Variants in SETD2 observed in about 807,000 individuals in gnomAD.
The protein encoded by SETD2 is histone-lysine N-methyltransferase SETD2.
In SETD2, 31 loss-of-function variants were observed where a neutral mutation model predicts 242.1. The observed-to-expected ratio is 0.13, with a 90% confidence interval of 0.10 to 0.17. The LOEUF (loss-of-function observed/expected upper bound fraction) is 0.17. Ranked by LOEUF, SETD2 falls within the 10% of genes least tolerant of loss-of-function variation. The pLI is 1.00. For synonymous variants in SETD2, 1,006 were observed against 1,066.5 expected (o/e 0.94, Z 1.11); for missense variants, 2,481 against 3,046.3 (o/e 0.81, Z 4.37).
intron 6 of SETD2, 49 bp downstream of exon 6, chr3:47,105,948 T>C (rs765101696): frequency 5.8e-6 from 9 of 1,554,114 alleles, no homozygotes; most frequent in Non-Finnish European, 7.0e-6. Context: ...CAATGGCTCC[T>C]TCAAACCTAA....
intron 1 of SETD2, among the ~76,000 whole-genome samples, chr3:47,131,055 T>C (rs1466916071): frequency 6.6e-6 from 1 of 152,136 alleles, no homozygotes; most frequent in Non-Finnish European, 1.5e-5. Context: ...GCCCTATAAA[T>C]GAGAGCAATT....
chr3:47,066,015 T>G (rs866769823), intron 13 of SETD2, among the ~76,000 whole-genome samples: 2 of 152,108 alleles, frequency 1.3e-5, no homozygotes, highest in African/African-American at 2.4e-5. Flanking sequence ...TGGATGAAAG[T>G]CCACTTATAT....
At chr3:47,106,168 G>C in intron 5 of SETD2, 48 bp from the exon 6 acceptor site, 1 of 1,568,656 alleles carries the variant, frequency 6.4e-7, no homozygotes, top group East Asian at 2.3e-5. Context: ...AGGAGCAGTA[G>C]GGAAAACATA....
intron 18 of SETD2, among the ~76,000 whole-genome samples, chr3:47,035,022 G>T (rs1397449317): frequency 6.6e-6 from 1 of 152,184 alleles, no homozygotes; most frequent in Non-Finnish European, 1.5e-5. Flanking sequence ...TGCACCTATG[G>T]TAACAGAGGA....
intron 1 of SETD2, among the ~76,000 whole-genome samples, chr3:47,153,778 C>T (rs1259267782): frequency 6.6e-6 from 1 of 151,584 alleles, no homozygotes; most frequent in Non-Finnish European, 1.5e-5. Flanking sequence ...AAAAGAGATC[C>T]CACTTAAATG....
intron 18 of SETD2, among the ~76,000 whole-genome samples, chr3:47,033,772 T>C (rs904477616): frequency 3.3e-5 from 5 of 150,418 alleles, no homozygotes; most frequent in Admixed American, 6.7e-5. Context: ...AGCGATTCTC[T>C]TGCCTCAGCC....
Position 47,164,046 on chromosome 3 carries a change from G to A in SETD2, c.-122C>T, listed in dbSNP as rs1697595544. 1.6e-6 allele frequency: 2 copies of A among 1,214,236 alleles called. No homozygotes were observed. Among genetic ancestry groups the A allele is most frequent in the Non-Finnish European group, 2.1e-6 (2 of 973,314 alleles). The allele number at this position is 1,214,236 out of a possible 1,614,324, so 75.2% of individuals were successfully genotyped here. A position where few individuals can be genotyped will look rare whatever the true frequency, so the allele number is the denominator to read the frequency against. ...GGCGGCGGCGGCGGCGGCGGCGGCA[G>A]GGGCGGCCCGCGTCGCTACCTCGCT... On this transcript the variant is annotated 5_prime_UTR_variant, in exon 1 of 21. Coordinates refer to ENST00000409792, the MANE Select transcript of SETD2 (RefSeq NM_014159.7). This position sits in a 1 kb window ranked among gnomAD's most constrained non-coding sequence, Gnocchi z 5.4.
intron 17 of SETD2, among the ~76,000 whole-genome samples, chr3:47,042,122 GC>G (rs2039307158): frequency 6.6e-6 from 1 of 152,162 alleles, no homozygotes; most frequent in Non-Finnish European, 1.5e-5. Context: ...GGAGGCCAAG[GC>G]GGGCAGGGCA....
At chr3:47,157,114 T>C (rs1371766916) in intron 1 of SETD2, among the ~76,000 whole-genome samples, 1 of 151,808 alleles carries the variant, frequency 6.6e-6, no homozygotes. Context: ...ACAAACAAAA[T>C]TAGTTGGGCA....
At chr3:47,106,892 T>C (rs887414248) in intron 5 of SETD2, among the ~76,000 whole-genome samples, 4 of 151,810 alleles carry the variant, frequency 2.6e-5, no homozygotes, top group Admixed American at 2.0e-4. Flanking sequence ...CTCTCAAAGG[T>C]CTCTAAAAAT....
intron 9 of SETD2, among the ~76,000 whole-genome samples, chr3:47,090,600 C>G (rs2041760501): frequency 6.6e-6 from 1 of 152,006 alleles, no homozygotes; most frequent in Non-Finnish European, 1.5e-5. Context: ...CCATGTTAGC[C>G]AGGATGGTCT....
At chr3:47,069,372 A>T (rs2040712354) in intron 12 of SETD2, among the ~76,000 whole-genome samples, 1 of 152,198 alleles carries the variant, frequency 6.6e-6, no homozygotes. Flanking sequence ...TATGTAGAAG[A>T]ACTTTCATTA....
chr3:47,096,746 C>CA (rs200954477), intron 9 of SETD2, among the ~76,000 whole-genome samples: 6,891 of 147,072 alleles, frequency 0.047, 210 homozygotes, highest in Middle Eastern at 0.083. Flanking sequence ...GACGTTGTCT[C>CA]AAAAAAAAAC....
chr3:47,114,280 A>G (rs1292525513), intron 4 of SETD2, among the ~76,000 whole-genome samples: 1 of 152,214 alleles, frequency 6.6e-6, no homozygotes, highest in Non-Finnish European at 1.5e-5. Context: ...GGTGTCTAGA[A>G]TACATTTTCA....
intron 1 of SETD2, among the ~76,000 whole-genome samples, chr3:47,160,194 T>C (rs1193257177): frequency 6.6e-6 from 1 of 152,154 alleles, no homozygotes; most frequent in Non-Finnish European, 1.5e-5. Context: ...ACTCACCCAG[T>C]ATACCTCACT....
At position 47,122,789 on chromosome 3, in the gene SETD2, G is replaced by C. The variant is rs2106687456; in HGVS notation, c.1847C>G (p.Ala616Gly). The C allele has an allele frequency of 6.2e-7, 1 of 1,612,752 alleles. No individual in the cohort carries two copies. Among genetic ancestry groups the C allele is most frequent in the Non-Finnish European group, 8.5e-7 (1 of 1,179,668 alleles). The change falls in exon 3 of 21, where the codon GCT becomes GGT. Residue 616 changes from alanine to glycine, a missense_variant. Ala to Gly is a moderately conservative substitution (Grantham distance 60). Around this residue, in one of 17 missense-constraint regions of SETD2, gnomAD observed 1,300 missense variants for 1,259.2 expected, o/e 1.03. Coordinates refer to ENST00000409792, the MANE Select transcript of SETD2 (RefSeq NM_014159.7). ...NPEREKAGSPAPSNRLNDSPT... is the reference protein window; with the variant it reads ...NPEREKAGSPGPSNRLNDSPT... ...TGAATCATTTAATCGATTTGATGGA[G>C]CTGGAGACCCAGCCTTTTCTCTTTC...
At chr3:47,045,363 CA>C (rs2039473427) in intron 16 of SETD2, among the ~76,000 whole-genome samples, 1 of 151,578 alleles carries the variant, frequency 6.6e-6, no homozygotes. Context: ...ACTAAAAATA[CA>C]AAAATTAGCC....
intron 6 of SETD2, among the ~76,000 whole-genome samples, chr3:47,105,442 C>T (rs6785790): frequency 0.48 from 71,649 of 147,974 alleles, 18,761 homozygotes; most frequent in Non-Finnish European, 0.58. Flanking sequence ...CTCTGGGGGT[C>T]ATCAATAATT....
intron 16 of SETD2, among the ~76,000 whole-genome samples, chr3:47,044,830 A>C (rs137967804): frequency 6.6e-6 from 1 of 152,316 alleles, no homozygotes; most frequent in Non-Finnish European, 1.5e-5. Flanking sequence ...ATCATATTCT[A>C]GTACAGGTTA....
Sources: gnomAD v4.1 joint callset for allele counts (sites outside exome capture counted in the v4.1 genomes callset) on GRCh38, gnomAD v4.1.1 for gene constraint, gnomAD v4.1.1 regional missense constraint, Gnocchi (gnomAD v3.1) non-coding constraint, MANE v1.5 for transcripts, NCBI Gene and HGNC (gene_info 2026-07-23, HGNC 2026-07-21) for gene names.